DST: variants seen among roughly 807,000 people sequenced by gnomAD.
DST encodes bullous pemphigoid antigen.
DST carries 253 observed loss-of-function variants against 875.2 expected under a neutral mutation model. The observed-to-expected ratio is 0.29, with a 90% confidence interval of 0.26 to 0.32. DST has a LOEUF of 0.32. Among genes scored for constraint, DST ranks in the 10% least tolerant of loss-of-function variants. DST has a pLI of 1.00. For missense variants in DST, 8,287 were observed against 9,111.6 expected (o/e 0.91, Z 3.68); for synonymous variants, 3,124 against 3,197.1 (o/e 0.98, Z 0.77).
chr6:56,820,010 A>G (rs764135188), intron 4 of DST, among the ~76,000 whole-genome samples: 3 of 152,254 alleles, frequency 2.0e-5, no homozygotes, highest in Non-Finnish European at 2.9e-5. Context: ...CTTAAAATTT[A>G]TCATAGCTAC....
chr6:56,825,502 TAAAAAAAAAAA>T (rs749148452), intron 4 of DST, among the ~76,000 whole-genome samples: 2 of 109,348 alleles, frequency 1.8e-5, no homozygotes, highest in African/African-American at 3.7e-5. Flanking sequence ...CAATAAATAC[TAAAAAAAAAAA>T]AAAAAAAAAA....
At position 56,606,415 on chromosome 6, in the gene DST, G is replaced by C; in HGVS notation, c.8213C>G (p.Ser2738Cys). The C allele has an allele frequency of 6.2e-7, 1 of 1,613,352 alleles. No individual in the cohort carries two copies. Among genetic ancestry groups the C allele is most frequent in the African/African-American group, 1.3e-5 (1 of 74,974 alleles). Residue 2738 changes from serine (S) to cysteine (C), a missense_variant, in exon 40 of 104, where the codon TCT becomes TGT. Ser to Cys is a moderately radical substitution (Grantham distance 112, BLOSUM62 -1). This residue lies in a region of DST where 3,138 missense variants were observed against 3,116.6 expected (regional missense o/e 1.01). Transcript: ENST00000680361. Reference protein sequence around the residue: ...ECTNILEGDESDSLTDYDIVG... With the variant: ...ECTNILEGDECDSLTDYDIVG... ...AATATCATAATCAGTCAATGAGTCA[G>C]ATTCATCACCTTCAAGGATATTTGT...
Position 56,867,104 on chromosome 6 carries a change from G to A in DST, c.418-15500C>T, listed in dbSNP as rs184739537. Among the ~76,000 whole-genome samples the A allele has an allele frequency of 2.0e-4, 31 of 152,242 alleles. 4 individuals carry two copies. The highest frequency in any genetic ancestry group is 7.0e-4 in the African/African-American group (29 of 41,532). On this transcript the variant is annotated intron_variant, in intron 3 of 103. Coordinates refer to ENST00000680361, the MANE Select transcript of DST (RefSeq NM_001374736.1). ...GGATTGCTCTCAGCAAGCTAACTGG[G>A]GGGATAACAGAGAACCGAGGCTAGA...
rs55903203 is a variant in DST at position 56,463,914 on chromosome 6, T to A, written c.22760-150A>T. 8.3e-6 allele frequency: 7 copies of A among 840,312 alleles called. No individual in the cohort carries two copies. In the Admixed American group the frequency reaches 1.1e-4, roughly 13 times the overall value. The allele number at this position is 840,312 out of a possible 1,614,324, so 52.1% of individuals were successfully genotyped here. On this transcript the variant is annotated intron_variant, in intron 100 of 103. Transcript: ENST00000680361. ...TTGCCATGCCAACTCCAACTCAGCATAACAAAAAGTTAAATGCATTCCTTT... is the reference window on the plus strand; with the variant it reads ...TTGCCATGCCAACTCCAACTCAGCAAAACAAAAAGTTAAATGCATTCCTTT...
At chr6:56,694,085 T>C (rs1268572696) in intron 9 of DST, among the ~76,000 whole-genome samples, 1 of 150,314 alleles carries the variant, frequency 6.7e-6, no homozygotes, top group Non-Finnish European at 1.5e-5. Flanking sequence ...ACTTTATATG[T>C]AACTTTTATA....
chr6:56,695,421 A>T (rs1290534089), intron 9 of DST, among the ~76,000 whole-genome samples: 1 of 152,118 alleles, frequency 6.6e-6, no homozygotes, highest in Non-Finnish European at 1.5e-5. Flanking sequence ...CTGCCAAACT[A>T]AGCAGCTGTC....
intron 4 of DST, among the ~76,000 whole-genome samples, chr6:56,779,153 C>T (rs1036367411): frequency 6.6e-6 from 1 of 152,046 alleles, no homozygotes; most frequent in African/African-American, 2.4e-5. Flanking sequence ...AGCATTTTTT[C>T]ATGTGTCTTT....
At chr6:56,710,437 C>T (rs2099358716) in intron 5 of DST, among the ~76,000 whole-genome samples, 1 of 152,126 alleles carries the variant, frequency 6.6e-6, no homozygotes, top group Non-Finnish European at 1.5e-5. Context: ...CTGGCTTATA[C>T]TAACTGGGTG....
rs555070264 is a variant in DST, at chr6:56,787,489, A to G, written c.626-52200T>C. Among the ~76,000 whole-genome samples, 3 of 152,322 alleles carry G rather than the reference A, an allele frequency of 2.0e-5. No homozygotes were observed. The East Asian group carries it at 5.8e-4, about 29-fold the overall frequency. On this transcript the variant is annotated intron_variant, in intron 4 of 103. Coordinates refer to ENST00000680361, the MANE Select transcript of DST (RefSeq NM_001374736.1). ...AAAATGATACAAAATAGCTTGAAGT[A>G]TTTTATGGGCTGAAGTACTTCAACA...
intron 34 of DST, among the ~76,000 whole-genome samples, chr6:56,626,373 T>G (rs1435782368): frequency 2.0e-5 from 3 of 152,274 alleles, no homozygotes. Flanking sequence ...TATTCCCTAT[T>G]TTTATTATAC....
intron 93 of DST, among the ~76,000 whole-genome samples, chr6:56,473,254 G>A (rs556525379): frequency 6.6e-6 from 1 of 152,268 alleles, no homozygotes; most frequent in African/African-American, 2.4e-5. Flanking sequence ...AATTACAATA[G>A]CTCCGACATC....
At chr6:56,823,816 T>A (rs2099775968) in intron 4 of DST, among the ~76,000 whole-genome samples, 1 of 152,158 alleles carries the variant, frequency 6.6e-6, no homozygotes, top group African/African-American at 2.4e-5. Context: ...CTGGAACTAT[T>A]ATCTAGAGTT....
At chr6:56,791,025 A>G (rs974613399) in intron 4 of DST, among the ~76,000 whole-genome samples, 3 of 152,230 alleles carry the variant, frequency 2.0e-5, no homozygotes, top group Admixed American at 2.0e-4. Context: ...ATGGAATGAG[A>G]AAGAGAGGCC....
At chr6:56,908,694 A>C (rs1260530026) in intron 2 of DST, among the ~76,000 whole-genome samples, 2 of 152,180 alleles carry the variant, frequency 1.3e-5, no homozygotes, top group African/African-American at 4.8e-5. Context: ...AGGATGAGAT[A>C]GGAGGTTGGC....
intron 102 of DST, among the ~76,000 whole-genome samples, chr6:56,462,711 G>A (rs1785479266): frequency 2.6e-5 from 4 of 152,034 alleles, no homozygotes; most frequent in Non-Finnish European, 4.4e-5. Context: ...AGCTTTAAAA[G>A]AAATTTTACT....
At chr6:56,565,701 T>C (rs2097664036) in intron 55 of DST, among the ~76,000 whole-genome samples, 1 of 152,216 alleles carries the variant, frequency 6.6e-6, no homozygotes. Context: ...GATGGCAGTC[T>C]GTTCCTTAGC....
In DST at chr6:56,608,769, T is replaced by C. The variant is rs772645053; in HGVS notation, c.5859A>G (p.Pro1953=). Residue 1953 remains proline (P), a synonymous_variant, in exon 40 of 104, where the codon CCA becomes CCG. Coordinates refer to ENST00000680361, the MANE Select transcript of DST (RefSeq NM_001374736.1). ...TTAATGTTATTCTACCTCCTTCTTG[T>C]GGTCTCACAGGTAGAAGCCACATCC... The part of the protein sequence containing the change: ...NTGMWLLPVR[P]QEGGRITLKC... 5.0e-6 allele frequency: 8 copies of C among 1,609,438 alleles called. No homozygotes were observed. The African/African-American group carries it at 9.3e-5, about 19-fold the overall frequency.
intron 3 of DST, among the ~76,000 whole-genome samples, chr6:56,882,624 A>G (rs934640473): frequency 2.6e-5 from 4 of 152,312 alleles, no homozygotes; most frequent in Non-Finnish European, 5.9e-5. Context: ...TCCTGAGCAG[A>G]GAGTCACATA....
intron 5 of DST, among the ~76,000 whole-genome samples, chr6:56,706,042 G>T (rs182674446): frequency 6.6e-6 from 1 of 152,280 alleles, no homozygotes; most frequent in Non-Finnish European, 1.5e-5. Flanking sequence ...ATGCTCAGTG[G>T]CTCACACCTG....
Sources: allele counts gnomAD v4.1 joint callset (sites outside exome capture counted in the v4.1 genomes callset), GRCh38; gene constraint gnomAD v4.1.1; regional missense constraint gnomAD v4.1.1; transcripts MANE v1.5; gene names NCBI Gene and HGNC (gene_info 2026-07-23, HGNC 2026-07-21).